SPATA13: variants seen among roughly 807,000 people sequenced by gnomAD.
SPATA13 encodes the protein spermatogenesis associated 13.
SPATA13 carries 50 observed loss-of-function variants against 104.0 expected under a neutral mutation model. That is an observed-to-expected ratio of 0.48 (90% CI 0.38 to 0.61). The LOEUF (loss-of-function observed/expected upper bound fraction) is 0.61. Ranked by LOEUF, SPATA13 falls within the 20% of genes least tolerant of loss-of-function variation. The pLI is 0.00. For missense variants in SPATA13, 1,524 were observed against 1,690.6 expected (o/e 0.90, Z 1.73); for synonymous variants, 606 against 667.5 (o/e 0.91, Z 1.42).
intron 2 of SPATA13, among the ~76,000 whole-genome samples, chr13:23,991,784 T>C (rs1755393173): frequency 6.6e-6 from 1 of 151,822 alleles, no homozygotes; most frequent in Non-Finnish European, 1.5e-5. Context: ...AGACTCTGAG[T>C]TGGGGGCAGG....
intron 3 of SPATA13, among the ~76,000 whole-genome samples, chr13:24,109,502 C>T (rs1880568517): frequency 6.6e-6 from 1 of 152,128 alleles, no homozygotes; most frequent in African/African-American, 2.4e-5. Flanking sequence ...CACTCCAGCT[C>T]TCTTTAATGT....
intron 3 of SPATA13, among the ~76,000 whole-genome samples, chr13:24,064,031 C>G (rs2137757560): frequency 6.6e-6 from 1 of 152,362 alleles, no homozygotes; most frequent in Non-Finnish European, 1.5e-5. Flanking sequence ...TGCTCCATCT[C>G]TGCCATCTTC....
At chr13:24,135,376 T>C (rs1302020602) in intron 3 of SPATA13, among the ~76,000 whole-genome samples, 2 of 152,114 alleles carry the variant, frequency 1.3e-5, no homozygotes, top group Admixed American at 6.5e-5. Flanking sequence ...TTGAAAATTA[T>C]ATAATGTGCC....
chr13:24,271,973 A>G (rs1246476871), intron 4 of SPATA13, among the ~76,000 whole-genome samples: 1 of 152,120 alleles, frequency 6.6e-6, no homozygotes, highest in Non-Finnish European at 1.5e-5. Flanking sequence ...AGAAAAAGGA[A>G]AAAAAAAGTT....
chr13:24,157,906 A>G (rs1882311993), upstream of SPATA13, among the ~76,000 whole-genome samples: 1 of 152,134 alleles, frequency 6.6e-6, no homozygotes, highest in African/African-American at 2.4e-5. Flanking sequence ...TTCTAACTTC[A>G]TTTGCCCCAT....
intron 3 of SPATA13, among the ~76,000 whole-genome samples, chr13:24,250,520 C>A (rs1193515904): frequency 6.6e-6 from 1 of 152,140 alleles, no homozygotes; most frequent in African/African-American, 2.4e-5. Context: ...ATTCACAGAA[C>A]AATATATGAG....
intron 1 of SPATA13, 139 bp from the exon 2 acceptor site, chr13:24,222,680 G>A (rs1414948451): frequency 1.5e-6 from 1 of 665,620 alleles, no homozygotes; most frequent in Non-Finnish European, 2.5e-6. Flanking sequence ...AGTGAATGGA[G>A]GGGAAATGTA....
chr13:24,033,314 G>C (rs1380964148), intron 3 of SPATA13, among the ~76,000 whole-genome samples: 4 of 152,204 alleles, frequency 2.6e-5, no homozygotes, highest in Non-Finnish European at 5.9e-5. Context: ...AGGCAGGCAT[G>C]GAGAGGCTCC....
At chr13:24,123,334 C>A (rs1363487017) in intron 3 of SPATA13, 3 of 1,376,734 alleles carry the variant, frequency 2.2e-6, no homozygotes, top group Non-Finnish European at 3.1e-6. Context: ...TGATCACTTT[C>A]GAACTTCACT....
chr13:24,288,943 A>G, intron 7 of SPATA13, 56 bp from the exon 8 acceptor site: 3 of 1,489,770 alleles, frequency 2.0e-6, no homozygotes, highest in Non-Finnish European at 1.8e-6. Flanking sequence ...AAGCTGTACT[A>G]TTCAAATAAT....
At chr13:24,047,898 G>C (rs1878207145) in intron 3 of SPATA13, among the ~76,000 whole-genome samples, 2 of 152,280 alleles carry the variant, frequency 1.3e-5, no homozygotes, top group South Asian at 4.1e-4. Flanking sequence ...AAACCCAAAG[G>C]CCTGAGAAAC....
chr13:24,118,527 G>GCA (rs1324673872), intron 3 of SPATA13, among the ~76,000 whole-genome samples: 1 of 152,280 alleles, frequency 6.6e-6, no homozygotes, highest in East Asian at 1.9e-4. Context: ...CTTGTAGCCT[G>GCA]CATCAGTCTC....
chr13:24,022,034 T>C lies in SPATA13; in HGVS notation c.-112+4333T>C, dbSNP rs375402659. 4.2e-4 allele frequency among the ~76,000 whole-genome samples: 61 copies of C among 145,264 alleles called. 1 individual carries two copies. The South Asian group carries it at 0.013, about 32-fold the overall frequency. Reference sequence around the variant, plus strand: ...CCAGTTGTTGGAAAATCTTAATGTTTCTTTTCTCTTTTCTTTCTTTTTTTT... The same window carrying C: ...CCAGTTGTTGGAAAATCTTAATGTTCCTTTTCTCTTTTCTTTCTTTTTTTT... On this transcript the variant is annotated intron_variant, in intron 3 of 14. Transcript: ENST00000424834.
intron 3 of SPATA13, among the ~76,000 whole-genome samples, chr13:24,150,758 A>ACC (rs955924389): frequency 6.6e-6 from 1 of 152,036 alleles, no homozygotes; most frequent in Non-Finnish European, 1.5e-5. Flanking sequence ...TCCTCAGGGA[A>ACC]CCCACATCTT....
At chr13:24,049,873 G>A (rs1194193765) in intron 3 of SPATA13, among the ~76,000 whole-genome samples, 3 of 152,022 alleles carry the variant, frequency 2.0e-5, no homozygotes, top group Non-Finnish European at 2.9e-5. Context: ...TTTCAGACTC[G>A]TTCTTTCTTT....
At chr13:24,109,421 G>A (rs751633046) in intron 3 of SPATA13, among the ~76,000 whole-genome samples, 1 of 152,062 alleles carries the variant, frequency 6.6e-6, no homozygotes, top group South Asian at 2.1e-4. Flanking sequence ...ATAAACATAC[G>A]TGTCAATGTG....
At chr13:24,167,577 T>G (rs888603551) in intron 1 of SPATA13, among the ~76,000 whole-genome samples, 3 of 152,222 alleles carry the variant, frequency 2.0e-5, no homozygotes, top group African/African-American at 2.4e-5. Context: ...CCAATACTTC[T>G]GTGTGAATAG....
At chr13:24,281,077 G>A (rs1004988678) in intron 4 of SPATA13, among the ~76,000 whole-genome samples, 1 of 152,084 alleles carries the variant, frequency 6.6e-6, no homozygotes, top group Non-Finnish European at 1.5e-5. Context: ...CTCCCAGGGT[G>A]CACTCCCTTC....
Position 24,290,757 on chromosome 13 carries a change from G to A in SPATA13, c.2953G>A (p.Ala985Thr). ...KQGKYRHFFE[A>T]CRLLQQMIDI... ...GGGCAAGTACAGACATTTCTTTGAA[G>A]CCTGCCGCCTGCTGCAGCAGATGAT... is the stretch of plus-strand genomic sequence containing the variant. The change falls in exon 9 of 13, where the codon GCC (alanine) becomes ACC (threonine). Residue 985 changes from alanine (A) to threonine (T), a missense_variant. Physicochemically the swap from Ala to Thr is moderately conservative, Grantham distance 58 (BLOSUM62 0). Transcript: ENST00000382108. 2 of 1,614,220 alleles carry A rather than the reference G, an allele frequency of 1.2e-6. No homozygotes were observed. Among genetic ancestry groups the A allele is most frequent in the Non-Finnish European group, 1.7e-6 (2 of 1,180,034 alleles).
Sources: gnomAD v4.1 joint callset for allele counts (sites outside exome capture counted in the v4.1 genomes callset) on GRCh38, gnomAD v4.1.1 for gene constraint, MANE v1.5 for transcripts, NCBI Gene and HGNC (gene_info 2026-07-23, HGNC 2026-07-21) for gene names.